AK4: variants seen among roughly 807,000 people sequenced by gnomAD.
The protein encoded by AK4 is adenylate kinase 4, also known as adenylate kinase 4, mitochondrial.
Under a neutral mutation model 24.6 loss-of-function variants are expected in AK4, and 13 were observed. The ratio of observed to expected loss-of-function variants is 0.53; its 90% confidence interval spans 0.34 to 0.84. The LOEUF (loss-of-function observed/expected upper bound fraction) is 0.84. Among genes scored for constraint, AK4 ranks in the 40% least tolerant of loss-of-function variants. The pLI, the probability that AK4 is intolerant of heterozygous loss-of-function variation, is 0.01. For synonymous variants in AK4, 88 were observed against 107.0 expected (o/e 0.82, Z 1.10); for missense variants, 192 against 288.2 (o/e 0.67, Z 2.42).
chr1:65,195,349 T>A (rs546340443), intron 2 of AK4, among the ~76,000 whole-genome samples: 88 of 140,176 alleles, frequency 6.3e-4, no homozygotes, highest in Non-Finnish European at 1.2e-3. Flanking sequence ...ACATTCAAAC[T>A]ATAGCACCCC....
At chr1:65,149,509 A>C (rs1649695753) in intron 1 of AK4, among the ~76,000 whole-genome samples, 1 of 152,128 alleles carries the variant, frequency 6.6e-6, no homozygotes, top group Non-Finnish European at 1.5e-5. Context: ...CCTTTATGAA[A>C]AGTTGTTCTT....
At chr1:65,160,925 C>T (rs1459025770) in intron 1 of AK4, among the ~76,000 whole-genome samples, 1 of 152,102 alleles carries the variant, frequency 6.6e-6, no homozygotes, top group African/African-American at 2.4e-5. Flanking sequence ...TTAAAGGCCC[C>T]ACCTCTTAAT....
chr1:65,154,450 C>T (rs980548646), intron 1 of AK4: 1 of 494,258 alleles, frequency 2.0e-6, no homozygotes, highest in Non-Finnish European at 4.1e-6. Flanking sequence ...TAGCTCCTTC[C>T]TTTTATCTTG....
intron 2 of AK4, among the ~76,000 whole-genome samples, chr1:65,203,369 AT>A (rs1410863141): frequency 6.6e-6 from 1 of 152,184 alleles, no homozygotes; most frequent in Non-Finnish European, 1.5e-5. Context: ...TCCAATAGAA[AT>A]ACCTTGATAC....
intron 1 of AK4, among the ~76,000 whole-genome samples, chr1:65,162,436 T>C (rs1033135262): frequency 6.6e-6 from 1 of 152,168 alleles, no homozygotes; most frequent in Non-Finnish European, 1.5e-5. Flanking sequence ...TTGGGCTTCA[T>C]TGTAACTGGA....
chr1:65,149,120 T>A (rs1402255119), intron 1 of AK4: 1 of 152,440 alleles, frequency 6.6e-6, no homozygotes, highest in Admixed American at 6.5e-5. Context: ...AAGGCCTGTC[T>A]GTTCGTTGTC....
At chr1:65,171,114 C>G (rs1050755896) in intron 1 of AK4, among the ~76,000 whole-genome samples, 1 of 147,124 alleles carries the variant, frequency 6.8e-6, no homozygotes, top group Non-Finnish European at 1.5e-5. Context: ...TGCCACCATG[C>G]TTGGCTAATT....
rs1402170758 is a variant in AK4 at position 65,230,721 on chromosome 1, C to T, written c.*4544C>T. The T allele has an allele frequency of 6.6e-6, 1 of 152,134 alleles. No individual in the cohort carries two copies. The highest frequency in any genetic ancestry group is 2.4e-5 in the African/African-American group (1 of 41,412). 9.4% of individuals were successfully genotyped at this position (152,134 alleles called of 1,614,324 possible). ...CTGTTCTCTTTAACAGATAAAACAA[C>T]ATATTTGCTTCAGCCTGGAATCTGT... On this transcript the variant is annotated 3_prime_UTR_variant, in exon 5 of 5. Coordinates refer to ENST00000327299, the MANE Select transcript of AK4 (RefSeq NM_013410.4).
intron 2 of AK4, among the ~76,000 whole-genome samples, chr1:65,216,251 G>C (rs1652127037): frequency 6.6e-6 from 1 of 151,796 alleles, no homozygotes; most frequent in East Asian, 1.9e-4. Flanking sequence ...TCGTACCTCA[G>C]CCTCCCTAGT....
intron 2 of AK4, among the ~76,000 whole-genome samples, chr1:65,205,596 T>C (rs1455039341): frequency 6.6e-6 from 1 of 152,214 alleles, no homozygotes. Flanking sequence ...AAGAGTTATT[T>C]CTTCATACTT....
chr1:65,204,575 C>T (rs1234869904), intron 2 of AK4, among the ~76,000 whole-genome samples: 2 of 152,146 alleles, frequency 1.3e-5, no homozygotes, highest in Non-Finnish European at 2.9e-5. Context: ...TCAGATAAAT[C>T]TTTGTTCATC....
chr1:65,205,549 T>C (rs920085582), intron 2 of AK4, among the ~76,000 whole-genome samples: 13 of 152,210 alleles, frequency 8.5e-5, no homozygotes, highest in African/African-American at 3.1e-4. Flanking sequence ...TCCACCTGTT[T>C]CAAGGTGATT....
At chr1:65,167,779 T>C (rs1236812651) in intron 1 of AK4, among the ~76,000 whole-genome samples, 1 of 152,238 alleles carries the variant, frequency 6.6e-6, no homozygotes. Flanking sequence ...GGCTCTTTCA[T>C]TGCTGGACAG....
chr1:65,200,222 T>C (rs940579701), intron 2 of AK4, among the ~76,000 whole-genome samples: 3 of 152,174 alleles, frequency 2.0e-5, no homozygotes, highest in African/African-American at 7.2e-5. Context: ...CCGGTGATTC[T>C]CCTGCTTCAG....
chr1:65,228,493 C>T lies in AK4; in HGVS notation c.*2316C>T, dbSNP rs575824491. The T allele has an allele frequency of 2.6e-5, 4 of 152,146 alleles. No homozygotes were observed. Among genetic ancestry groups the T allele is most frequent in the Non-Finnish European group, 5.9e-5 (4 of 68,042 alleles). 9.4% of individuals were successfully genotyped at this position (152,146 alleles called of 1,614,324 possible). The stretch of plus-strand genomic sequence containing the variant: ...TTGCTGAGATTGTCCAGCGGTTGAG[C>T]AGTTTGGTCTCACCTCCCTCGCTAG... On this transcript the variant is annotated 3_prime_UTR_variant, in exon 5 of 5. Transcript: ENST00000327299.
At chr1:65,148,678 C>G in intron 1 of AK4, 126 bp downstream of exon 1, 2 of 1,291,078 alleles carry the variant, frequency 1.5e-6, no homozygotes, top group Non-Finnish European at 2.0e-6. Flanking sequence ...CAGGCTCGTA[C>G]GTGCCGGGGC....
At chr1:65,210,249 C>A (rs1265788051) in intron 2 of AK4, among the ~76,000 whole-genome samples, 1 of 152,090 alleles carries the variant, frequency 6.6e-6, no homozygotes. Flanking sequence ...TTAGCCTATC[C>A]CCAGGGCCTC....
At chr1:65,221,705 A>G (rs563648330) in intron 3 of AK4, among the ~76,000 whole-genome samples, 18 of 152,240 alleles carry the variant, frequency 1.2e-4, no homozygotes, top group Non-Finnish European at 2.1e-4. Context: ...CAGACGCTTT[A>G]TATTTTGCAT....
intron 1 of AK4, among the ~76,000 whole-genome samples, chr1:65,178,572 C>A (rs1258480070): frequency 2.0e-5 from 3 of 152,168 alleles, no homozygotes; most frequent in Non-Finnish European, 1.5e-5. Context: ...GGGATTAACT[C>A]TCAAGGTAAG....
Sources: gnomAD v4.1 joint callset for allele counts (sites outside exome capture counted in the v4.1 genomes callset) on GRCh38, gnomAD v4.1.1 for gene constraint, MANE v1.5 for transcripts, NCBI Gene and HGNC (gene_info 2026-07-23, HGNC 2026-07-21) for gene names.